The following CTNNA3 variants were observed in gnomAD, a reference collection of about 807,000 sequenced individuals.
CTNNA3 encodes catenin alpha-3.
CTNNA3 carries 76 observed loss-of-function variants against 95.7 expected under a neutral mutation model. The observed-to-expected ratio is 0.79, with a 90% CI of 0.66 to 0.96. CTNNA3 has a LOEUF of 0.96. CTNNA3 is among the 40% of genes least tolerant of loss of function. The probability of loss-of-function intolerance (pLI) is 0.00; values close to 1 mark genes in which losing one functional copy is unlikely to be tolerated. For synonymous variants in CTNNA3, 431 were observed against 374.4 expected, an observed-to-expected ratio of 1.15 and a Z score of -1.74; for missense variants, 1,191 against 1,089.8, an observed-to-expected ratio of 1.09 and a Z score of -1.31.
At position 67,598,526 on chromosome 10, in the gene CTNNA3, C is replaced by T. The variant is rs776112822; in HGVS notation, c.292+8331G>A. On this transcript the variant is annotated intron_variant, in intron 3 of 17. Coordinates refer to ENST00000433211, the MANE Select transcript of CTNNA3 (RefSeq NM_013266.4). Reference sequence around the variant, plus strand: ...ACTGTTCAGAATGTGCTGATTTTGACGGTGTGGTCTCTTGGTGGGAGAAGC... The same window carrying T: ...ACTGTTCAGAATGTGCTGATTTTGATGGTGTGGTCTCTTGGTGGGAGAAGC... 6.0e-4 allele frequency among the ~76,000 whole-genome samples: 91 copies of T among 152,078 alleles called. 1 individual carries two copies. Among genetic ancestry groups the T allele is most frequent in the Non-Finnish European group, 1.1e-3 (72 of 67,988 alleles).
At chr10:66,710,896 A>C (rs996451226) in intron 9 of CTNNA3, among the ~76,000 whole-genome samples, 3 of 152,108 alleles carry the variant, frequency 2.0e-5, no homozygotes, top group Non-Finnish European at 4.4e-5. Flanking sequence ...GGTATGTTGC[A>C]AATAATACCA....
At chr10:66,865,199 GGT>G (rs566237511) in intron 7 of CTNNA3, among the ~76,000 whole-genome samples, 15 of 138,248 alleles carry the variant, frequency 1.1e-4, no homozygotes, top group Admixed American at 1.5e-4. Flanking sequence ...ACAGGCATGG[GGT>G]GTGTGTGTGT....
chr10:67,436,852 G>A (rs994643271), intron 5 of CTNNA3, among the ~76,000 whole-genome samples: 4 of 152,116 alleles, frequency 2.6e-5, no homozygotes, highest in Non-Finnish European at 5.9e-5. Context: ...CGGTGATCAG[G>A]GAACACTTCT....
chr10:67,200,917 G>C lies in CTNNA3; in HGVS notation c.843+18690C>G, dbSNP rs571250001. ...AAACAGACTATTCTCACTATCTTCA[G>C]TTTGATGTGTCTCAGTATGTGTTTC... is the stretch of plus-strand genomic sequence containing the variant. On this transcript the variant is annotated intron_variant, in intron 6 of 17. Coordinates refer to ENST00000433211, the MANE Select transcript of CTNNA3 (RefSeq NM_013266.4). 3.9e-5 allele frequency among the ~76,000 whole-genome samples: 6 copies of C among 152,264 alleles called. No individual in the cohort carries two copies. In the South Asian group the frequency reaches 1.2e-3, roughly 32 times the overall value.
intron 5 of CTNNA3, among the ~76,000 whole-genome samples, chr10:67,320,778 T>C (rs186956049): frequency 1.8e-3 from 270 of 152,324 alleles, no homozygotes; most frequent in South Asian, 0.014. Context: ...TTACTTTCTA[T>C]AGTAAGTCTG....
rs1368549340 is a variant in CTNNA3 at position 67,199,886 on chromosome 10, T to TGCCA, written c.844-19367_844-19366insTGGC. On this transcript the variant is annotated intron_variant, in intron 6 of 17. Transcript: ENST00000433211. Reference sequence around the variant, plus strand: ...ATCCTTTAAATTTAACAATACATAATTCCATCAAGAAAAATCCCATCACTG... The same window carrying TGCCA: ...ATCCTTTAAATTTAACAATACATAATGCCATCCATCAAGAAAAATCCCATCACTG... 2.6e-3 allele frequency among the ~76,000 whole-genome samples: 403 copies of TGCCA among 152,288 alleles called. 4 individuals carry two copies. Among genetic ancestry groups the TGCCA allele is most frequent in the Non-Finnish European group, 3.8e-4 (26 of 68,018 alleles).
At chr10:66,706,773 G>A (rs940892777) in intron 9 of CTNNA3, among the ~76,000 whole-genome samples, 2 of 151,726 alleles carry the variant, frequency 1.3e-5, no homozygotes, top group South Asian at 2.1e-4. Context: ...AGGGGGAGGG[G>A]GTCACAACAG....
intron 7 of CTNNA3, among the ~76,000 whole-genome samples, chr10:67,056,943 G>T (rs78031898): frequency 1.3e-5 from 2 of 152,150 alleles, no homozygotes; most frequent in African/African-American, 4.8e-5. Flanking sequence ...GGGTGCAAAA[G>T]AGTGGGAACT....
intron 5 of CTNNA3, among the ~76,000 whole-genome samples, chr10:67,231,082 G>T (rs1048145046): frequency 6.6e-6 from 1 of 152,166 alleles, no homozygotes; most frequent in Non-Finnish European, 1.5e-5. Context: ...CTGCAAGGCG[G>T]CAGCGAGGCT....
chr10:66,291,272 C>T (rs1046861814), intron 12 of CTNNA3, among the ~76,000 whole-genome samples: 1 of 152,096 alleles, frequency 6.6e-6, no homozygotes, highest in Non-Finnish European at 1.5e-5. Flanking sequence ...ATTCATTGCT[C>T]GGTAAACTTT....
At chr10:66,295,735 T>G (rs1041850539) in intron 12 of CTNNA3, among the ~76,000 whole-genome samples, 10 of 152,146 alleles carry the variant, frequency 6.6e-5, no homozygotes, top group Admixed American at 5.2e-4. Context: ...CTGGTAAAGA[T>G]AGCAGGTCAC....
chr10:66,232,856 T>A (rs376002857), intron 13 of CTNNA3, among the ~76,000 whole-genome samples: 1 of 152,092 alleles, frequency 6.6e-6, no homozygotes, highest in East Asian at 1.9e-4. Context: ...TTCTGCAACA[T>A]CTGTCAACAA....
chr10:66,965,032 A>G (rs1435998256), intron 7 of CTNNA3, among the ~76,000 whole-genome samples: 1 of 152,194 alleles, frequency 6.6e-6, no homozygotes, highest in African/African-American at 2.4e-5. Context: ...AATTAAAGCA[A>G]ACAAGCAAAT....
chr10:66,520,922 A>G (rs1564508928), intron 10 of CTNNA3, 149 bp from the exon 11 acceptor site: 1 of 306,740 alleles, frequency 3.3e-6, no homozygotes, highest in Admixed American at 4.9e-5. Flanking sequence ...TAAAATAAAT[A>G]AAAAATATTA....
chr10:67,176,008 T>C (rs1027832014), intron 7 of CTNNA3, among the ~76,000 whole-genome samples: 1 of 152,130 alleles, frequency 6.6e-6, no homozygotes, highest in Non-Finnish European at 1.5e-5. Flanking sequence ...CATAGAGATA[T>C]AACAAAATCA....
chr10:66,534,482 A>G (rs979130051), intron 10 of CTNNA3, among the ~76,000 whole-genome samples: 8 of 8,274 alleles, frequency 9.7e-4, no homozygotes, highest in Non-Finnish European at 4.7e-3. Flanking sequence ...ATATATATAT[A>G]TATATATATA....
intron 9 of CTNNA3, among the ~76,000 whole-genome samples, chr10:66,749,330 G>C (rs1456637127): frequency 6.6e-6 from 1 of 151,314 alleles, no homozygotes; most frequent in East Asian, 1.9e-4. Flanking sequence ...CTACAAAACA[G>C]TTTCACTGCC....
At chr10:66,463,940 G>A (rs1405395621) in intron 11 of CTNNA3, among the ~76,000 whole-genome samples, 1 of 151,424 alleles carries the variant, frequency 6.6e-6, no homozygotes, top group African/African-American at 2.4e-5. Context: ...TTCAAAGACA[G>A]TAGGGAAGAG....
chr10:67,451,091 G>A (rs1023527453), intron 5 of CTNNA3, among the ~76,000 whole-genome samples: 1 of 152,012 alleles, frequency 6.6e-6, no homozygotes. Context: ...GCAGGAGTGA[G>A]TTAGTTATCT....
Sources: allele counts gnomAD v4.1 joint callset (sites outside exome capture counted in the v4.1 genomes callset), GRCh38; gene constraint gnomAD v4.1.1; transcripts MANE v1.5; gene names NCBI Gene and HGNC (gene_info 2026-07-23, HGNC 2026-07-21).